Variants in RBMS2 observed in about 807,000 individuals in gnomAD.
The protein encoded by RBMS2 is RNA binding motif single stranded interacting protein 2.
A neutral mutation model predicts 58.4 loss-of-function variants in RBMS2; 38 were observed. The observed-to-expected ratio is 0.65, with a 90% CI of 0.50 to 0.85. RBMS2 has a LOEUF of 0.85. RBMS2 is among the 40% of genes least tolerant of loss of function. The pLI is 0.00. For missense variants in RBMS2, 367 were observed against 503.7 expected (o/e 0.73, Z 2.60); for synonymous variants, 151 against 180.7 (o/e 0.84, Z 1.32).
At chr12:56,526,666 A>AT (rs1249553963) in intron 1 of RBMS2, among the ~76,000 whole-genome samples, 3 of 49,896 alleles carry the variant, frequency 6.0e-5, no homozygotes, top group Admixed American at 3.7e-4. Flanking sequence ...AACTTGGTTC[A>AT]TTAAAAAAAA....
At chr12:56,552,275 G>A (rs1878406219) in intron 1 of RBMS2, among the ~76,000 whole-genome samples, 1 of 152,188 alleles carries the variant, frequency 6.6e-6, no homozygotes, top group Admixed American at 6.6e-5. Context: ...CAAGGCTGGG[G>A]CTTTTTTGAC....
At chr12:56,568,930 G>A (rs1342301590) in intron 2 of RBMS2, 45 bp from the exon 3 acceptor site, 1 of 1,491,068 alleles carries the variant, frequency 6.7e-7, no homozygotes, top group East Asian at 2.3e-5. Context: ...CCTATTCTTA[G>A]TCTCTGCCCC....
intron 11 of RBMS2, among the ~76,000 whole-genome samples, chr12:56,587,988 G>T (rs762060726): frequency 1.3e-5 from 2 of 152,160 alleles, no homozygotes; most frequent in Non-Finnish European, 2.9e-5. Context: ...AAGCTCATTA[G>T]GTTTCTTTTA....
chr12:56,543,239 T>C lies in RBMS2; in HGVS notation c.67-19178T>C, dbSNP rs559144789. ...GGCTCACGCCTGTAATCCCAACACT[T>C]TGGGAGGCCGAGGCGGGTGGATCAC... On this transcript the variant is annotated intron_variant, in intron 1 of 13. Coordinates refer to ENST00000262031, the MANE Select transcript of RBMS2 (RefSeq NM_002898.4). Among the ~76,000 whole-genome samples, 133 of 150,958 alleles carry C rather than the reference T, an allele frequency of 8.8e-4. 1 individual carries two copies. Among genetic ancestry groups the C allele is most frequent in the African/African-American group, 3.1e-3 (130 of 41,314 alleles).
intron 2 of RBMS2, 70 bp downstream of exon 2, chr12:56,562,653 A>C (rs890633397): frequency 3.3e-6 from 5 of 1,500,494 alleles, no homozygotes; most frequent in Non-Finnish European, 4.6e-6. Flanking sequence ...GGGTCTCGTT[A>C]TGTTGTCCAG....
At chr12:56,583,951 G>A (rs1481803652) in intron 9 of RBMS2, among the ~76,000 whole-genome samples, 1 of 151,954 alleles carries the variant, frequency 6.6e-6, no homozygotes, top group Non-Finnish European at 1.5e-5. Flanking sequence ...AAACTTTAGC[G>A]ATGTATCAGA....
chr12:56,531,194 C>G (rs1424822734), intron 1 of RBMS2, among the ~76,000 whole-genome samples: 1 of 151,860 alleles, frequency 6.6e-6, no homozygotes, highest in African/African-American at 2.4e-5. Flanking sequence ...AGTGTAAGCT[C>G]TTTAAGGTAG....
intron 1 of RBMS2, among the ~76,000 whole-genome samples, chr12:56,537,665 A>G (rs775573388): frequency 6.6e-6 from 1 of 152,220 alleles, no homozygotes; most frequent in Non-Finnish European, 1.5e-5. Context: ...TGAGTGTACA[A>G]ATACATTCAA....
At chr12:56,536,712 CG>C (rs1874940904) in intron 1 of RBMS2, among the ~76,000 whole-genome samples, 1 of 151,278 alleles carries the variant, frequency 6.6e-6, no homozygotes, top group South Asian at 2.1e-4. Context: ...GGACTACAGG[CG>C]TTTGCCACCA....
chr12:56,523,972 C>T (rs918120376), intron 1 of RBMS2, among the ~76,000 whole-genome samples: 2 of 152,058 alleles, frequency 1.3e-5, no homozygotes, highest in Admixed American at 1.3e-4. Flanking sequence ...TTTTTTCCCT[C>T]CTAGTTCTCT....
chr12:56,538,979 A>C (rs982222949), intron 1 of RBMS2, among the ~76,000 whole-genome samples: 10 of 130,934 alleles, frequency 7.6e-5, no homozygotes, highest in Non-Finnish European at 1.7e-4. Flanking sequence ...TTCCTTTTCA[A>C]ATCATTCGTT....
intron 9 of RBMS2, among the ~76,000 whole-genome samples, chr12:56,585,755 T>C (rs1884584320): frequency 6.6e-6 from 1 of 152,156 alleles, no homozygotes; most frequent in Non-Finnish European, 1.5e-5. Flanking sequence ...TACCTAGGAG[T>C]GGAATTGCTG....
chr12:56,577,734 G>T (rs2939304), intron 5 of RBMS2, among the ~76,000 whole-genome samples: 137,108 of 151,980 alleles, frequency 0.9, 63,181 homozygotes, highest in East Asian at 1. Flanking sequence ...CCAGGCTGGA[G>T]TGCAGTGCTG....
intron 6 of RBMS2, 62 bp from the exon 7 acceptor site, chr12:56,581,337 A>C: frequency 1.3e-6 from 2 of 1,595,168 alleles, no homozygotes; most frequent in South Asian, 1.1e-5. Flanking sequence ...GCAGCTTTGC[A>C]TGACTGTGCC....
At chr12:56,571,900 G>A (rs745689491) in intron 5 of RBMS2, 45 bp downstream of exon 5, 1 of 1,424,360 alleles carries the variant, frequency 7.0e-7, no homozygotes, top group Non-Finnish European at 9.3e-7. Flanking sequence ...AATAACAAAT[G>A]TCACTTGGGG....
At chr12:56,549,119 C>T (rs2638297) in intron 1 of RBMS2, among the ~76,000 whole-genome samples, 90,536 of 151,866 alleles carry the variant, frequency 0.6, 27,616 homozygotes, top group East Asian at 0.72. Flanking sequence ...GTGCCTCAGC[C>T]TCCCGAGTAG....
In RBMS2 at chr12:56,588,305, G is replaced by A. The variant is rs778580679; in HGVS notation, c.1074G>A (p.Thr358=). 5 of 1,613,556 alleles carry A rather than the reference G, an allele frequency of 3.1e-6. No individual in the cohort carries two copies. Among genetic ancestry groups the A allele is most frequent in the Admixed American group, 1.7e-5 (1 of 59,994 alleles). ...GTTTCTCTTTCTAGTATATGCCGAC[G>A]GCTGCAGCTATGCAAGGAGCTTACA... ...SLSSTGTYMP[T]AAAMQGAYIS... is the part of the protein sequence containing the mutation. Residue 358 remains threonine, a synonymous_variant, in exon 12 of 14, where the codon ACG becomes ACA. Coordinates refer to ENST00000262031, the MANE Select transcript of RBMS2 (RefSeq NM_002898.4).
rs1352066506 is a variant in RBMS2 at position 56,591,765 on chromosome 12, T to C, written c.*2632T>C. The C allele has an allele frequency of 2.0e-5, 3 of 152,062 alleles. No homozygotes were observed. Among genetic ancestry groups the C allele is most frequent in the Non-Finnish European group, 2.9e-5 (2 of 68,010 alleles). The allele number at this position is 152,062 out of a possible 1,614,324, so 9.4% of individuals were successfully genotyped here. On this transcript the variant is annotated 3_prime_UTR_variant, in exon 14 of 14. Coordinates refer to ENST00000262031, the MANE Select transcript of RBMS2 (RefSeq NM_002898.4). ...TCACAGAACTCCTGATTCTGTCTTC[T>C]TTCTCTCTCTATATATATATTTTAA...
At chr12:56,533,707 C>A (rs867426707) in intron 1 of RBMS2, among the ~76,000 whole-genome samples, 5 of 151,980 alleles carry the variant, frequency 3.3e-5, no homozygotes, top group Admixed American at 6.6e-5. Flanking sequence ...TGAGCCACTG[C>A]GCCCAGCAGC....
Sources: gnomAD v4.1 joint callset for allele counts (sites outside exome capture counted in the v4.1 genomes callset) on GRCh38, gnomAD v4.1.1 for gene constraint, MANE v1.5 for transcripts, NCBI Gene and HGNC (gene_info 2026-07-23, HGNC 2026-07-21) for gene names.